The following CAND1 variants were observed in gnomAD, a reference collection of about 807,000 sequenced individuals.
The protein encoded by CAND1 is cullin associated and neddylation dissociated 1, also known as cullin-associated NEDD8-dissociated protein 1.
Under a neutral mutation model 108.5 loss-of-function variants are expected in CAND1, and 7 were observed. The observed-to-expected ratio is 0.06, with a 90% confidence interval of 0.04 to 0.12. CAND1 has a LOEUF of 0.12. Ranked by LOEUF, CAND1 falls within the 10% of genes least tolerant of loss-of-function variation. CAND1 has a pLI of 1.00. For synonymous variants in CAND1, 534 were observed against 512.0 expected (o/e 1.04, Z -0.58); for missense variants, 941 against 1,448.7 (o/e 0.65, Z 5.69).
intron 1 of CAND1, chr12:67,270,743 A>G (rs1412693546): frequency 1.4e-5 from 2 of 146,968 alleles, no homozygotes; most frequent in African/African-American, 5.1e-5. Context: ...CCCGCCTCCC[A>G]TCTCTTCACA....
At chr12:67,295,220 C>T in intron 4 of CAND1, 64 bp downstream of exon 4, 1 of 1,395,470 alleles carries the variant, frequency 7.2e-7, no homozygotes, top group Non-Finnish European at 9.7e-7. Context: ...TACTAAAAAC[C>T]CTTTCTAGTA....
chr12:67,312,491 A>G, intron 14 of CAND1, 115 bp from the exon 15 acceptor site: 3 of 563,726 alleles, frequency 5.3e-6, no homozygotes, highest in Non-Finnish European at 9.4e-6. Context: ...AGAATGTAAT[A>G]TGCCTTATGG....
At chr12:67,289,219 TTTTA>T (rs1275252195) in intron 2 of CAND1, among the ~76,000 whole-genome samples, 3 of 152,138 alleles carry the variant, frequency 2.0e-5, no homozygotes, top group Non-Finnish European at 4.4e-5. Context: ...TTTTTATTAT[TTTTA>T]TTTTATTTGT....
In CAND1 at chr12:67,269,594, C is replaced by G; in HGVS notation, c.-124C>G. 2 of 781,402 alleles carry G rather than the reference C, an allele frequency of 2.6e-6. No homozygotes were observed. 48.4% of individuals were successfully genotyped at this position (781,402 alleles called of 1,614,324 possible). A position where few individuals can be genotyped will look rare whatever the true frequency, so the allele number is the denominator to read the frequency against. ...CTCCCTAGTCAGCGTCGGCGTCGCG[C>G]TGCGACCCTGGAAGCGGGAGCCGCC... On this transcript the variant is annotated 5_prime_UTR_variant, in exon 1 of 15. Coordinates refer to ENST00000545606, the MANE Select transcript of CAND1 (RefSeq NM_018448.5).
rs544355399 is a variant in CAND1, at chr12:67,316,750, G to A, written c.*3920G>A. 6.6e-6 allele frequency: 1 copy of A among 152,294 alleles called. No homozygotes were observed. Among genetic ancestry groups the A allele is most frequent in the Admixed American group, 6.5e-5 (1 of 15,294 alleles). The allele number at this position is 152,294 out of a possible 1,614,324, so 9.4% of individuals were successfully genotyped here. On this transcript the variant is annotated 3_prime_UTR_variant, in exon 15 of 15. Transcript: ENST00000545606. ...AGCTTATGCTATGTAAAGTGACATT[G>A]TTTCCAGATTAGGAAGTATTGGAAT... is the stretch of plus-strand genomic sequence containing the variant.
chr12:67,304,575 A>C (rs1471505260), intron 8 of CAND1, 30 bp from the exon 9 acceptor site: 1 of 1,605,464 alleles, frequency 6.2e-7, no homozygotes, highest in Non-Finnish European at 8.5e-7. Flanking sequence ...CCAACAGCTG[A>C]ACCAGCTAAT....
chr12:67,287,085 C>G (rs1214400175), intron 2 of CAND1, among the ~76,000 whole-genome samples: 2 of 152,206 alleles, frequency 1.3e-5, no homozygotes, highest in African/African-American at 4.8e-5. Context: ...ATTACTTACT[C>G]TTTGGGCCAG....
At chr12:67,279,445 C>T (rs1259278411) in intron 1 of CAND1, among the ~76,000 whole-genome samples, 1 of 152,056 alleles carries the variant, frequency 6.6e-6, no homozygotes, top group Non-Finnish European at 1.5e-5. Flanking sequence ...TTTTTAATAC[C>T]ACATTTATAG....
Position 67,295,662 on chromosome 12 carries a change from C to T in CAND1, c.491+506C>T, listed in dbSNP as rs543483750. Among the ~76,000 whole-genome samples the T allele has an allele frequency of 9.1e-4, 138 of 152,174 alleles. 1 individual carries two copies. Among genetic ancestry groups the T allele is most frequent in the African/African-American group, 3.2e-3 (134 of 41,514 alleles). ...CCTAAGCAACTCCTAGGAGAAAATA[C>T]CTTAAAGGACCTGTCAATTTCTGAT... On this transcript the variant is annotated intron_variant, in intron 4 of 14. Transcript: ENST00000545606.
intron 1 of CAND1, among the ~76,000 whole-genome samples, chr12:67,279,932 G>T (rs988709950): frequency 6.6e-6 from 1 of 152,180 alleles, no homozygotes; most frequent in African/African-American, 2.4e-5. Flanking sequence ...AATGGATTTT[G>T]TTTAAGTAAA....
rs2044979730 is a variant in CAND1 at position 67,313,801 on chromosome 12, T to C, written c.*971T>C. The stretch of plus-strand genomic sequence containing the variant: ...GATGTCTACATTCCTTATCAAAGGA[T>C]ATAAATACTGTGTATGCTTTTGAAT... On this transcript the variant is annotated 3_prime_UTR_variant, in exon 15 of 15. Coordinates refer to ENST00000545606, the MANE Select transcript of CAND1 (RefSeq NM_018448.5). The C allele has an allele frequency of 6.6e-6, 1 of 152,642 alleles. No homozygotes were observed. Among genetic ancestry groups the C allele is most frequent in the African/African-American group, 2.4e-5 (1 of 41,464 alleles). The allele number at this position is 152,642 out of a possible 1,614,324, so 9.5% of individuals were successfully genotyped here. A position where few individuals can be genotyped will look rare whatever the true frequency, so the allele number is the denominator to read the frequency against.
intron 1 of CAND1, among the ~76,000 whole-genome samples, chr12:67,279,743 G>A (rs1049072547): frequency 3.3e-5 from 5 of 152,042 alleles, no homozygotes; most frequent in Non-Finnish European, 4.4e-5. Context: ...ATAATAGACA[G>A]TGAATAAATA....
Position 67,304,750 on chromosome 12 carries a change from T to C in CAND1, c.1435+4T>C, listed in dbSNP as rs773230545. 3.0e-5 allele frequency: 48 copies of C among 1,611,940 alleles called. No homozygotes were observed. The Middle Eastern group carries it at 8.3e-4, about 28-fold the overall frequency. On this transcript the variant is annotated splice_donor_region_variant and intron_variant, in intron 9 of 14. Transcript: ENST00000545606. ...CACATTCCTGTACTTGTACCAGGTA[T>C]GAAAGAAACATAAATCTCTTTTGGG...
chr12:67,315,771 G>T lies in CAND1; in HGVS notation c.*2941G>T. ...CATATCTAATTAACCAGTTCTAGTG[G>T]GTGTTGTGATATCTTTATATCTAGT... On this transcript the variant is annotated 3_prime_UTR_variant, in exon 15 of 15. Transcript: ENST00000545606. 1 of 151,938 alleles carries T rather than the reference G, an allele frequency of 6.6e-6. No homozygotes were observed. The highest frequency in any genetic ancestry group is 3.2e-3 in the Middle Eastern group (1 of 316). The allele number at this position is 151,938 out of a possible 1,614,324, so 9.4% of individuals were successfully genotyped here.
intron 2 of CAND1, among the ~76,000 whole-genome samples, chr12:67,289,304 C>T (rs544610694): frequency 3.4e-4 from 52 of 152,248 alleles, no homozygotes; most frequent in African/African-American, 1.2e-3. Context: ...CCACAACCTG[C>T]GCCTCCCAGG....
chr12:67,304,728 A>T lies in CAND1; in HGVS notation c.1417A>T (p.Ile473Phe). 1 of 1,613,680 alleles carries T rather than the reference A, an allele frequency of 6.2e-7. No homozygotes were observed. Among genetic ancestry groups the T allele is most frequent in the Non-Finnish European group, 8.5e-7 (1 of 1,179,860 alleles). ...NVLPGALTQH[I>F]PVLVPGIIFS... is the part of the protein sequence containing the mutation. The stretch of plus-strand genomic sequence containing the variant: ...ATTACCTGGGGCCCTAACTCAACAC[A>T]TTCCTGTACTTGTACCAGGTATGAA... Residue 473 changes from isoleucine to phenylalanine, a missense_variant, in exon 9 of 15, where the codon ATT becomes TTT. By Grantham distance (21) the Ile-to-Phe change is conservative. This residue lies in a region of CAND1 where 697 missense variants were observed against 942.0 expected (regional missense o/e 0.74). Transcript: ENST00000545606.
intron 3 of CAND1, among the ~76,000 whole-genome samples, chr12:67,293,352 G>A (rs965645143): frequency 6.6e-6 from 1 of 152,280 alleles, no homozygotes; most frequent in East Asian, 1.9e-4. Flanking sequence ...TTTTAGAATT[G>A]GTCTTGACTA....
At chr12:67,301,729 A>G (rs1455023489) in intron 7 of CAND1, among the ~76,000 whole-genome samples, 1 of 152,220 alleles carries the variant, frequency 6.6e-6, no homozygotes, top group Admixed American at 6.5e-5. Flanking sequence ...TTTAGAATAT[A>G]CATATTTGTT....
chr12:67,269,659 G>GGCA lies in CAND1; in HGVS notation c.-56_-54dup. On this transcript the variant is annotated 5_prime_UTR_variant, in exon 1 of 15. Coordinates refer to ENST00000545606, the MANE Select transcript of CAND1 (RefSeq NM_018448.5). ...GAGCTCCAGTGGCGGCGGCGGCGGCGGCAGCGGCAGCGGGCAGCAGCTCCA... is the reference window on the plus strand; with the variant it reads ...GAGCTCCAGTGGCGGCGGCGGCGGCGGCAGCAGCGGCAGCGGGCAGCAGCTCCA... 7 of 1,455,438 alleles carry GGCA rather than the reference G, an allele frequency of 4.8e-6. 1 individual carries two copies. In the Middle Eastern group the frequency reaches 1.3e-3, roughly 268 times the overall value. 90.2% of individuals were successfully genotyped at this position (1,455,438 alleles called of 1,614,324 possible).
Sources: gnomAD v4.1 joint callset for allele counts (sites outside exome capture counted in the v4.1 genomes callset) on GRCh38, gnomAD v4.1.1 for gene constraint, gnomAD v4.1.1 regional missense constraint, MANE v1.5 for transcripts, NCBI Gene and HGNC (gene_info 2026-07-23, HGNC 2026-07-21) for gene names.